The following COL6A3 variants were observed in gnomAD, a reference collection of about 807,000 sequenced individuals.
The protein encoded by COL6A3 is collagen alpha-3(VI) chain.
Under a neutral mutation model 274.1 loss-of-function variants are expected in COL6A3, and 137 were observed. The observed-to-expected ratio is 0.50, with a 90% CI of 0.44 to 0.58. COL6A3 has a LOEUF of 0.58. Among genes scored for constraint, COL6A3 ranks in the 20% least tolerant of loss-of-function variants. The pLI, the probability that COL6A3 is intolerant of heterozygous loss-of-function variation, is 0.00. For synonymous variants in COL6A3, 1,650 were observed against 1,650.6 expected (o/e 1.00, Z 0.01); for missense variants, 3,950 against 4,124.9 (o/e 0.96, Z 1.16).
chr2:237,376,532 A>G (rs936463600), intron 7 of COL6A3, among the ~76,000 whole-genome samples: 3 of 152,248 alleles, frequency 2.0e-5, no homozygotes, highest in East Asian at 1.9e-4. Context: ...TTACTATGAA[A>G]TAATCTAATG....
Sources: allele counts gnomAD v4.1 joint callset (sites outside exome capture counted in the v4.1 genomes callset), GRCh38; gene constraint gnomAD v4.1.1; transcripts MANE v1.5; gene names NCBI Gene and HGNC (gene_info 2026-07-23, HGNC 2026-07-21).